CNTN4: variants seen among roughly 807,000 people sequenced by gnomAD.
The protein encoded by CNTN4 is contactin 4.
CNTN4 carries 77 observed loss-of-function variants against 122.5 expected under a neutral mutation model. That is an observed-to-expected ratio of 0.63 (90% confidence interval 0.52 to 0.76). The LOEUF is 0.76. CNTN4 is among the 30% of genes least tolerant of loss of function. The pLI is 0.00. For synonymous variants in CNTN4, 512 were observed against 447.0 expected, an observed-to-expected ratio of 1.15 and a Z score of -1.83; for missense variants, 1,256 against 1,259.1, an observed-to-expected ratio of 1.00 and a Z score of 0.04.
chr3:2,325,133 A>G (rs1171952308), intron 2 of CNTN4, among the ~76,000 whole-genome samples: 1 of 152,194 alleles, frequency 6.6e-6, no homozygotes, highest in Non-Finnish European at 1.5e-5. Context: ...TCAGTCTCTC[A>G]CAAGCATACA....
chr3:2,704,446 A>G (rs537084022), intron 4 of CNTN4, among the ~76,000 whole-genome samples: 1 of 152,282 alleles, frequency 6.6e-6, no homozygotes, highest in Admixed American at 6.5e-5. Context: ...AATCAATTTA[A>G]AAAATACAAC....
chr3:2,180,616 A>T, intron 2 of CNTN4, among the ~76,000 whole-genome samples: 1 of 152,174 alleles, frequency 6.6e-6, no homozygotes, highest in Non-Finnish European at 1.5e-5. Context: ...CATGTTTCCC[A>T]GTCCAGTTTC....
chr3:2,935,212 G>C (rs144626557), intron 13 of CNTN4, among the ~76,000 whole-genome samples: 1 of 152,242 alleles, frequency 6.6e-6, no homozygotes, highest in Non-Finnish European at 1.5e-5. Flanking sequence ...CTGACCCTTT[G>C]CTCTAGTCAT....
intron 2 of CNTN4, among the ~76,000 whole-genome samples, chr3:2,312,186 C>A (rs1045724436): frequency 6.6e-6 from 1 of 151,806 alleles, no homozygotes; most frequent in Non-Finnish European, 1.5e-5. Context: ...GTGCACACCT[C>A]GTGAGGCCAA....
chr3:3,018,091 TAATGA>T (rs1697939045), intron 14 of CNTN4, among the ~76,000 whole-genome samples: 1 of 152,152 alleles, frequency 6.6e-6, no homozygotes, highest in Non-Finnish European at 1.5e-5. Context: ...ATGTAGATCC[TAATGA>T]CCCAGCGGAG....
At chr3:3,043,208 A>G (rs1183818845) in intron 22 of CNTN4, 45 bp downstream of exon 22, 1 of 1,565,418 alleles carries the variant, frequency 6.4e-7, no homozygotes, top group African/African-American at 1.4e-5. Flanking sequence ...TTCATCACAC[A>G]TATCCCAAGT....
At chr3:2,787,222 C>T (rs2091863458) in intron 6 of CNTN4, among the ~76,000 whole-genome samples, 1 of 151,954 alleles carries the variant, frequency 6.6e-6, no homozygotes, top group Admixed American at 6.6e-5. Context: ...ATTAAAAATA[C>T]AAAAACAGCC....
At chr3:2,290,277 G>GA (rs975893075) in intron 2 of CNTN4, among the ~76,000 whole-genome samples, 53 of 152,284 alleles carry the variant, frequency 3.5e-4, no homozygotes, top group African/African-American at 1.3e-3. Context: ...CAGGAAGGGG[G>GA]AAGCCAGGTG....
chr3:2,369,084 C>T (rs937290808), intron 3 of CNTN4, among the ~76,000 whole-genome samples: 11 of 152,092 alleles, frequency 7.2e-5, no homozygotes, highest in African/African-American at 1.2e-4. Flanking sequence ...CCACCATGCC[C>T]GGCTATTTTT....
intron 2 of CNTN4, among the ~76,000 whole-genome samples, chr3:2,303,670 A>G (rs756933340): frequency 7.2e-5 from 11 of 152,170 alleles, no homozygotes; most frequent in Non-Finnish European, 1.2e-4. Flanking sequence ...TTAAATTACT[A>G]CTATAGCAGG....
Position 3,043,687 on chromosome 3 carries a change from G to C in CNTN4, c.2794G>C (p.Glu932Gln). ...AGTGAAGGCCCTGGATAATGAGTCGGAAGTAAAAGGATACAAAGTAGGTAA... is the reference window on the plus strand; with the variant it reads ...AGTGAAGGCCCTGGATAATGAGTCGCAAGTAAAAGGATACAAAGTAGGTAA... ...DQVKALDNES[E>Q]VKGYKVLYRW... is the part of the protein sequence containing the mutation. Residue 932 changes from glutamate (E) to glutamine (Q), a missense_variant, in exon 23 of 25, where the codon GAA becomes CAA. Coordinates refer to ENST00000418658, the MANE Select transcript of CNTN4 (RefSeq NM_175607.3). 1 of 1,612,078 alleles carries C rather than the reference G, an allele frequency of 6.2e-7. No individual in the cohort carries two copies. Among genetic ancestry groups the C allele is most frequent in the South Asian group, 1.1e-5 (1 of 91,046 alleles).
chr3:2,245,527 C>T (rs1400326284), intron 2 of CNTN4, among the ~76,000 whole-genome samples: 1 of 152,112 alleles, frequency 6.6e-6, no homozygotes, highest in Non-Finnish European at 1.5e-5. Context: ...TTTCCAATAA[C>T]TCCTATTGCA....
intron 3 of CNTN4, among the ~76,000 whole-genome samples, chr3:2,510,066 G>A (rs1179756428): frequency 6.6e-6 from 1 of 152,130 alleles, no homozygotes; most frequent in Admixed American, 6.6e-5. Flanking sequence ...CACTTACTGA[G>A]CATGATGTTT....
intron 3 of CNTN4, among the ~76,000 whole-genome samples, chr3:2,367,736 G>A (rs2045451864): frequency 6.6e-6 from 1 of 152,014 alleles, no homozygotes; most frequent in African/African-American, 2.4e-5. Flanking sequence ...CCACCTGCCT[G>A]GGCCTCCCAA....
chr3:2,285,445 T>C (rs1379130329), intron 2 of CNTN4, among the ~76,000 whole-genome samples: 1 of 152,142 alleles, frequency 6.6e-6, no homozygotes, highest in Non-Finnish European at 1.5e-5. Flanking sequence ...TAAGATTGCA[T>C]TGGAGCATTG....
At chr3:2,372,948 G>A (rs1358152630) in intron 3 of CNTN4, among the ~76,000 whole-genome samples, 2 of 152,148 alleles carry the variant, frequency 1.3e-5, no homozygotes, top group African/African-American at 4.8e-5. Flanking sequence ...TTGGGAGGCT[G>A]AGGCACAAGA....
chr3:2,783,056 A>T (rs1384888742), intron 6 of CNTN4, among the ~76,000 whole-genome samples: 1 of 151,880 alleles, frequency 6.6e-6, no homozygotes, highest in African/African-American at 2.4e-5. Context: ...ACGTGGGAGG[A>T]TCACTTGAGG....
chr3:2,179,128 T>TA (rs1180864723), intron 2 of CNTN4, among the ~76,000 whole-genome samples: 1 of 152,102 alleles, frequency 6.6e-6, no homozygotes, highest in African/African-American at 2.4e-5. Flanking sequence ...AGTTCACCAG[T>TA]AACCATCTGA....
intron 16 of CNTN4, among the ~76,000 whole-genome samples, chr3:3,034,213 T>C (rs1699407098): frequency 6.6e-6 from 1 of 152,208 alleles, no homozygotes; most frequent in South Asian, 2.1e-4. Context: ...CAGACTATAC[T>C]CTTTATGAAA....
Sources: gnomAD v4.1 joint callset for allele counts (sites outside exome capture counted in the v4.1 genomes callset) on GRCh38, gnomAD v4.1.1 for gene constraint, MANE v1.5 for transcripts, NCBI Gene and HGNC (gene_info 2026-07-23, HGNC 2026-07-21) for gene names.